The following USH2A variants were observed in gnomAD, a reference collection of about 807,000 sequenced individuals.
The protein encoded by USH2A is Usher syndrome 2A (autosomal recessive, mild).
USH2A carries 443 observed loss-of-function variants against 538.9 expected under a neutral mutation model. That is an observed-to-expected ratio of 0.82 (90% CI 0.76 to 0.89). The LOEUF (loss-of-function observed/expected upper bound fraction) is 0.89. Ranked by LOEUF, USH2A falls within the 40% of genes least tolerant of loss-of-function variation. The probability of loss-of-function intolerance (pLI) is 0.00; values close to 1 mark genes in which losing one functional copy is unlikely to be tolerated. For missense variants in USH2A, 6,633 were observed against 6,324.8 expected (o/e 1.05, Z -1.65); for synonymous variants, 2,413 against 2,273.5 (o/e 1.06, Z -1.75).
chr1:216,230,963 A>G (rs2035666113), intron 14 of USH2A, among the ~76,000 whole-genome samples: 1 of 151,588 alleles, frequency 6.6e-6, no homozygotes, highest in South Asian at 2.1e-4. Flanking sequence ...ATACAGCAAT[A>G]AACACAAATG....
intron 64 of USH2A, 76 bp from the exon 65 acceptor site, chr1:215,650,877 A>T: frequency 6.5e-7 from 1 of 1,542,924 alleles, no homozygotes. Flanking sequence ...AAAGAAAGGA[A>T]AAAAAACGAA....
rs1205026266 is a variant in USH2A at position 215,786,879 on chromosome 1, G to A, written c.10183-5C>T. 6.2e-7 allele frequency: 1 copy of A among 1,613,566 alleles called. No homozygotes were observed. Among genetic ancestry groups the A allele is most frequent in the Non-Finnish European group, 8.5e-7 (1 of 1,179,820 alleles). On this transcript the variant is annotated splice_region_variant and splice_polypyrimidine_tract_variant and intron_variant, in intron 51 of 71. Transcript: ENST00000307340. ...GATCCTGCACTCTTTGGTTTCCTGA[G>A]TCAAGTGGCAGGGGTGAGAGAGAGA... is the stretch of plus-strand genomic sequence containing the variant.
intron 70 of USH2A, among the ~76,000 whole-genome samples, chr1:215,630,482 G>GTATATATATATA (rs1158726890): frequency 4.4e-5 from 1 of 22,550 alleles, no homozygotes; most frequent in African/African-American, 9.9e-5. Context: ...ATGTGTGTGT[G>GTATATATATATA]TATATATATA....
intron 11 of USH2A, among the ~76,000 whole-genome samples, chr1:216,258,991 T>C (rs1255996616): frequency 1.3e-5 from 2 of 152,026 alleles, no homozygotes; most frequent in African/African-American, 4.8e-5. Flanking sequence ...CCAAATAACA[T>C]AGAGCTCCAA....
At chr1:215,646,038 A>T (rs1022535578) in intron 67 of USH2A, among the ~76,000 whole-genome samples, 1 of 152,218 alleles carries the variant, frequency 6.6e-6, no homozygotes, top group Non-Finnish European at 1.5e-5. Flanking sequence ...AATAACGTCA[A>T]GTATAAAAAG....
chr1:215,743,226 A>G lies in USH2A; in HGVS notation c.11499T>C (p.Asn3833=), dbSNP rs1292934649. ...VGHHQSTLLE[N]LTPFTQYEIR... The stretch of plus-strand genomic sequence containing the variant: ...TCTCATACTGTGTGAATGGAGTCAA[A>G]TTTTCCAGAAGGGTGGATTGATGAT... Residue 3833 remains asparagine (N), a synonymous_variant, in exon 59 of 72, where the codon AAT becomes AAC. Transcript: ENST00000307340. 26 of 1,612,466 alleles carry G rather than the reference A, an allele frequency of 1.6e-5. No individual in the cohort carries two copies. The highest frequency in any genetic ancestry group is 2.1e-5 in the Non-Finnish European group (25 of 1,179,484).
chr1:216,049,402 T>C (rs1418442393), intron 30 of USH2A, among the ~76,000 whole-genome samples: 1 of 152,228 alleles, frequency 6.6e-6, no homozygotes, highest in African/African-American at 2.4e-5. Flanking sequence ...TTTTGTTTAC[T>C]AGTGTTCATA....
chr1:215,829,636 C>T (rs1663256993), intron 47 of USH2A, among the ~76,000 whole-genome samples: 1 of 152,096 alleles, frequency 6.6e-6, no homozygotes, highest in Admixed American at 6.5e-5. Context: ...GTATACATTG[C>T]CAGAAGTATA....
At chr1:216,090,178 ACT>A (rs1443623711) in intron 22 of USH2A, among the ~76,000 whole-genome samples, 1 of 152,026 alleles carries the variant, frequency 6.6e-6, no homozygotes, top group Non-Finnish European at 1.5e-5. Flanking sequence ...ATTTCACCAA[ACT>A]CTAATAATTT....
intron 62 of USH2A, among the ~76,000 whole-genome samples, chr1:215,679,903 T>C (rs1244876218): frequency 6.6e-6 from 1 of 152,202 alleles, no homozygotes; most frequent in African/African-American, 2.4e-5. Context: ...ACCCACCTAG[T>C]AGGGTTGATG....
chr1:216,141,461 T>A (rs1280081148), intron 21 of USH2A, among the ~76,000 whole-genome samples: 1 of 152,190 alleles, frequency 6.6e-6, no homozygotes, highest in Non-Finnish European at 1.5e-5. Context: ...AGCCTTTCCA[T>A]TTAGGCTGCC....
At position 216,219,798 on chromosome 1, in the gene USH2A, G is replaced by C. The variant is rs147634531; in HGVS notation, c.2994-2248C>G. Among the ~76,000 whole-genome samples the C allele has an allele frequency of 9.2e-5, 14 of 152,230 alleles. No individual in the cohort carries two copies. In the East Asian group the frequency reaches 2.3e-3, roughly 25 times the overall value. The stretch of plus-strand genomic sequence containing the variant: ...TCGCTTGCTAAATGGATTTCATAAA[G>C]AGTAATCTGTCAAGATTTATATAGA... On this transcript the variant is annotated intron_variant, in intron 14 of 71. Coordinates refer to ENST00000307340, the MANE Select transcript of USH2A (RefSeq NM_206933.4).
intron 32 of USH2A, among the ~76,000 whole-genome samples, chr1:216,026,022 C>A (rs1039060924): frequency 2.6e-5 from 4 of 151,988 alleles, no homozygotes; most frequent in African/African-American, 7.2e-5. Flanking sequence ...TGCAAAATAG[C>A]CTTTTAAAGG....
chr1:216,142,862 C>A (rs2033626946), intron 21 of USH2A, among the ~76,000 whole-genome samples: 1 of 152,078 alleles, frequency 6.6e-6, no homozygotes. Context: ...CTAACTTAAT[C>A]TAATAATTAA....
At chr1:216,226,444 A>G (rs2035562914) in intron 14 of USH2A, among the ~76,000 whole-genome samples, 1 of 152,214 alleles carries the variant, frequency 6.6e-6, no homozygotes, top group African/African-American at 2.4e-5. Context: ...AAAGGCAGCA[A>G]GTCTATAATC....
chr1:216,390,337 A>G (rs1380935877), intron 3 of USH2A, among the ~76,000 whole-genome samples: 1 of 152,168 alleles, frequency 6.6e-6, no homozygotes, highest in Non-Finnish European at 1.5e-5. Flanking sequence ...TATTAGATCT[A>G]TATGTCCCTT....
chr1:215,824,671 T>A (rs1331352533), intron 47 of USH2A, among the ~76,000 whole-genome samples: 1 of 152,160 alleles, frequency 6.6e-6, no homozygotes, highest in Non-Finnish European at 1.5e-5. Context: ...TGTCTCTGGA[T>A]GTCCTCACAG....
chr1:216,353,262 A>T (rs1326674797), intron 4 of USH2A, among the ~76,000 whole-genome samples: 1 of 152,152 alleles, frequency 6.6e-6, no homozygotes, highest in African/African-American at 2.4e-5. Context: ...AGGGGTATAC[A>T]CTAATCAATA....
At position 216,214,856 on chromosome 1, in the gene USH2A, G is replaced by T. The variant is rs146566404; in HGVS notation, c.3157+2531C>A. The stretch of plus-strand genomic sequence containing the variant: ...AAACAATAAGTGGCTAATTGTATAC[G>T]TGTGTGTGTGTATGTGTATAATTTT... On this transcript the variant is annotated intron_variant, in intron 15 of 71. Transcript: ENST00000307340. Among the ~76,000 whole-genome samples, 1,120 of 151,872 alleles carry T rather than the reference G, an allele frequency of 7.4e-3. 12 individuals carry two copies. Among genetic ancestry groups the T allele is most frequent in the African/African-American group, 0.026 (1,061 of 41,484 alleles).
Sources: gnomAD v4.1 joint callset for allele counts (sites outside exome capture counted in the v4.1 genomes callset) on GRCh38, gnomAD v4.1.1 for gene constraint, MANE v1.5 for transcripts, NCBI Gene and HGNC (gene_info 2026-07-23, HGNC 2026-07-21) for gene names.